Variants in MRAP2 observed in about 807,000 individuals in gnomAD.
MRAP2 encodes the protein melanocortin-2 receptor accessory protein 2.
In MRAP2, 20 loss-of-function variants were observed where a neutral mutation model predicts 17.4. The ratio of observed to expected loss-of-function variants is 1.15; its 90% confidence interval spans 0.81 to 1.67. MRAP2 has a LOEUF of 1.67. Among genes scored for constraint, MRAP2 ranks in the 40% most tolerant of loss-of-function variants. The probability of loss-of-function intolerance (pLI) is 0.00; values close to 1 mark genes in which losing one functional copy is unlikely to be tolerated. For synonymous variants in MRAP2, 96 were observed against 88.4 expected (o/e 1.09, Z -0.48); for missense variants, 238 against 240.0 (o/e 0.99, Z 0.05).
At chr6:84,037,950 G>T (rs946677521) in intron 1 of MRAP2, among the ~76,000 whole-genome samples, 1 of 152,238 alleles carries the variant, frequency 6.6e-6, no homozygotes, top group Non-Finnish European at 1.5e-5. Context: ...TGCTGAGGAG[G>T]TGCTGAGAGT....
At chr6:84,051,920 T>G (rs1360564469) in intron 1 of MRAP2, among the ~76,000 whole-genome samples, 1 of 152,086 alleles carries the variant, frequency 6.6e-6, no homozygotes, top group Admixed American at 6.6e-5. Flanking sequence ...TCTCCCGTCT[T>G]CCCCAACAAT....
chr6:84,099,400 T>A, the MRAP2 span, among the ~76,000 whole-genome samples: 1 of 152,168 alleles, frequency 6.6e-6, no homozygotes, highest in Non-Finnish European at 1.5e-5. Context: ...ATTATAGCTT[T>A]AGAAGTCTTG....
intron 3 of MRAP2, among the ~76,000 whole-genome samples, chr6:84,080,661 G>A (rs2099498744): frequency 6.6e-6 from 1 of 152,178 alleles, no homozygotes. Flanking sequence ...GTAGGTGTTG[G>A]CTATCACTTC....
At chr6:84,090,998 C>G (rs1293983737), downstream of MRAP2, 2 of 152,132 alleles carry the variant, frequency 1.3e-5, no homozygotes, top group Non-Finnish European at 2.9e-5. Flanking sequence ...ACTGTACCAT[C>G]TCTGGGATTC....
intron 2 of MRAP2, among the ~76,000 whole-genome samples, chr6:84,058,925 G>A (rs1227175649): frequency 1.3e-5 from 2 of 152,170 alleles, no homozygotes; most frequent in Non-Finnish European, 2.9e-5. Context: ...GGAATGCTGG[G>A]GGTAAAAGGT....
chr6:84,057,174 A>G (rs2099491894), intron 2 of MRAP2, among the ~76,000 whole-genome samples: 1 of 152,250 alleles, frequency 6.6e-6, no homozygotes, highest in African/African-American at 2.4e-5. Flanking sequence ...CAGGAAAGTG[A>G]AAAGATCAAG....
the MRAP2 span, among the ~76,000 whole-genome samples, chr6:84,138,959 T>C: frequency 6.6e-6 from 1 of 152,228 alleles, no homozygotes; most frequent in Admixed American, 6.5e-5. Context: ...TGTTTTTACA[T>C]TGATCTTTTC....
the MRAP2 span, among the ~76,000 whole-genome samples, chr6:84,137,884 G>A: frequency 6.6e-6 from 1 of 152,154 alleles, no homozygotes; most frequent in African/African-American, 2.4e-5. Context: ...AGAGGTGCTG[G>A]ATCCTTAATA....
Position 84,073,959 on chromosome 6 carries a change from C to A in MRAP2, c.227+10967C>A, listed in dbSNP as rs184841879. Reference sequence around the variant, plus strand: ...TTATGTGTGGCCCAAGACAATTATTCTTCTTCCAATGTGGTCCAGGGAAGC... The same window carrying A: ...TTATGTGTGGCCCAAGACAATTATTATTCTTCCAATGTGGTCCAGGGAAGC... On this transcript the variant is annotated intron_variant, in intron 3 of 3. Transcript: ENST00000257776. 4.8e-5 allele frequency among the ~76,000 whole-genome samples: 7 copies of A among 145,138 alleles called. No homozygotes were observed. In the East Asian group the frequency reaches 1.0e-3, roughly 21 times the overall value.
chr6:84,043,564 C>A (rs1380920605), intron 1 of MRAP2, among the ~76,000 whole-genome samples: 2 of 151,678 alleles, frequency 1.3e-5, no homozygotes, highest in African/African-American at 4.8e-5. Context: ...CCTGTACCAT[C>A]ATGAGCCCTC....
the MRAP2 span, among the ~76,000 whole-genome samples, chr6:84,112,742 CTA>C: frequency 6.6e-3 from 1,006 of 152,240 alleles, 6 homozygotes; most frequent in African/African-American, 0.023. Context: ...GCATTTAGTG[CTA>C]TAAATTTCCC....
chr6:84,065,687 G>C (rs1247250623), intron 3 of MRAP2, among the ~76,000 whole-genome samples: 1 of 152,192 alleles, frequency 6.6e-6, no homozygotes, highest in East Asian at 1.9e-4. Flanking sequence ...GCATGAAATA[G>C]AATGTGACTT....
the MRAP2 span, among the ~76,000 whole-genome samples, chr6:84,141,171 GC>G: frequency 6.6e-6 from 1 of 152,124 alleles, no homozygotes; most frequent in Non-Finnish European, 1.5e-5. Context: ...CTGGTTTGTG[GC>G]CCAGGGTTGG....
At chr6:84,035,556 A>G in intron 1 of MRAP2, 1 of 351,752 alleles carries the variant, frequency 2.8e-6, no homozygotes, top group African/African-American at 2.2e-5. Flanking sequence ...GAAAGATAAG[A>G]TATCAGAGTG....
the MRAP2 span, among the ~76,000 whole-genome samples, chr6:84,117,758 C>T: frequency 6.6e-6 from 1 of 151,908 alleles, no homozygotes; most frequent in South Asian, 2.1e-4. Flanking sequence ...TGGGGGTCTG[C>T]TCCAGATCCT....
chr6:84,048,376 A>G (rs527386194), intron 1 of MRAP2, among the ~76,000 whole-genome samples: 3 of 152,292 alleles, frequency 2.0e-5, no homozygotes, highest in South Asian at 4.1e-4. Flanking sequence ...TTGACTTGAC[A>G]CTAGTAATTT....
At chr6:84,071,632 G>C (rs1002122477) in intron 3 of MRAP2, among the ~76,000 whole-genome samples, 1 of 152,120 alleles carries the variant, frequency 6.6e-6, no homozygotes, top group Non-Finnish European at 1.5e-5. Context: ...TAGGTCTCTA[G>C]GAAGGCTGGG....
chr6:84,085,525 T>A (rs1588661803), intron 3 of MRAP2, among the ~76,000 whole-genome samples: 1 of 152,186 alleles, frequency 6.6e-6, no homozygotes, highest in South Asian at 2.1e-4. Context: ...TGGCTTTTAA[T>A]TAGCCATCCT....
At chr6:84,110,467 G>A in the MRAP2 span, among the ~76,000 whole-genome samples, 30 of 152,052 alleles carry the variant, frequency 2.0e-4, no homozygotes, top group South Asian at 3.3e-3. Flanking sequence ...GTTCTTTGTA[G>A]ATTCTGGATA....
Sources: gnomAD v4.1 joint callset for allele counts (sites outside exome capture counted in the v4.1 genomes callset) on GRCh38, gnomAD v4.1.1 for gene constraint, MANE v1.5 for transcripts, NCBI Gene and HGNC (gene_info 2026-07-23, HGNC 2026-07-21) for gene names.